Variants in RARB observed in about 807,000 individuals in gnomAD.
RARB encodes retinoic acid receptor beta.
A neutral mutation model predicts 51.9 loss-of-function variants in RARB; 17 were observed. The ratio of observed to expected loss-of-function variants is 0.33; its 90% confidence interval spans 0.22 to 0.49. The LOEUF (loss-of-function observed/expected upper bound fraction) is 0.49. Among genes scored for constraint, RARB ranks in the 20% least tolerant of loss-of-function variants. The probability of loss-of-function intolerance (pLI) is 0.99; values close to 1 mark genes in which losing one functional copy is unlikely to be tolerated. For missense variants in RARB, 369 were observed against 550.8 expected (o/e 0.67, Z 3.30); for synonymous variants, 215 against 195.4 (o/e 1.10, Z -0.84).
chr3:25,157,540 G>A (rs1700398685), intron 4 of RARB, among the ~76,000 whole-genome samples: 1 of 148,036 alleles, frequency 6.8e-6, no homozygotes, highest in Non-Finnish European at 1.5e-5. Flanking sequence ...AGGACTACAG[G>A]CGTGAGCCAC....
chr3:24,995,980 G>C (rs933469712), intron 2 of RARB, among the ~76,000 whole-genome samples: 1 of 152,066 alleles, frequency 6.6e-6, no homozygotes, highest in African/African-American at 2.4e-5. Flanking sequence ...CATAGAATGA[G>C]TTAAGAAGAA....
intron 5 of RARB, among the ~76,000 whole-genome samples, chr3:25,331,483 C>G (rs1308174108): frequency 6.6e-6 from 1 of 152,120 alleles, no homozygotes; most frequent in Non-Finnish European, 1.5e-5. Context: ...CCAGTGAGAA[C>G]AAAGACACAA....
intron 5 of RARB, among the ~76,000 whole-genome samples, chr3:25,335,745 C>G (rs891262754): frequency 6.6e-6 from 1 of 152,210 alleles, no homozygotes; most frequent in African/African-American, 2.4e-5. Flanking sequence ...CAGGGAGACT[C>G]TGTTTCTGCC....
chr3:25,386,019 A>G (rs562800500), intron 5 of RARB, among the ~76,000 whole-genome samples: 53 of 152,306 alleles, frequency 3.5e-4, no homozygotes, highest in Middle Eastern at 3.4e-3. Context: ...AGGATCCAGC[A>G]CATTTCCTCT....
chr3:24,941,441 C>T (rs951534677), intron 2 of RARB, among the ~76,000 whole-genome samples: 7 of 151,466 alleles, frequency 4.6e-5, no homozygotes, highest in Non-Finnish European at 1.0e-4. Context: ...ACGATCTCGG[C>T]TCACTGCAAC....
intron 5 of RARB, among the ~76,000 whole-genome samples, chr3:25,229,028 C>T (rs1406133319): frequency 1.3e-5 from 2 of 152,128 alleles, no homozygotes; most frequent in African/African-American, 4.8e-5. Context: ...TCCACTAACT[C>T]AGTCTTCACT....
At chr3:25,524,877 T>A (rs1286755) in intron 3 of RARB, among the ~76,000 whole-genome samples, 253 of 151,724 alleles carry the variant, frequency 1.7e-3, no homozygotes, top group African/African-American at 5.8e-3. Context: ...TTACAGGTGC[T>A]CACCATCACA....
rs543167699 is a variant in RARB at position 24,832,526 on chromosome 3, A to AT, written c.-459+3129dup. On this transcript the variant is annotated intron_variant, in intron 1 of 11. Transcript: ENST00000383772. ...TTGTTTATTCATTTATGCAACATGC[A>AT]TTTTTTAAGTACCCATTATTAATGA... Among the ~76,000 whole-genome samples the AT allele has an allele frequency of 1.5e-3, 223 of 151,270 alleles. 3 individuals are homozygous for AT. The highest frequency in any genetic ancestry group is 1.3e-3 in the Non-Finnish European group (85 of 67,844).
At chr3:25,081,506 G>A (rs1270505893) in intron 3 of RARB, among the ~76,000 whole-genome samples, 1 of 142,126 alleles carries the variant, frequency 7.0e-6, no homozygotes, top group African/African-American at 2.6e-5. Flanking sequence ...GCTCCTGAGA[G>A]AAGGAACATT....
Position 25,586,705 on chromosome 3 carries a change from C to T in RARB, c.786+5983C>T, listed in dbSNP as rs185423932. 3.3e-5 allele frequency among the ~76,000 whole-genome samples: 5 copies of T among 152,306 alleles called. No individual in the cohort carries two copies. The East Asian group carries it at 5.8e-4, about 18-fold the overall frequency. ...AAATGTGATTTGTGGCTCCTTGACG[C>T]CCTGGAGACTGTGCAGCTGTATAGC... is the stretch of plus-strand genomic sequence containing the variant. On this transcript the variant is annotated intron_variant, in intron 5 of 7. Coordinates refer to ENST00000330688, the MANE Select transcript of RARB (RefSeq NM_000965.5).
chr3:25,077,080 C>T (rs1288974696), intron 3 of RARB, among the ~76,000 whole-genome samples: 1 of 152,136 alleles, frequency 6.6e-6, no homozygotes, highest in Non-Finnish European at 1.5e-5. Context: ...GCTTTGGGCC[C>T]AGATAGAAAT....
chr3:25,359,555 A>C (rs1199423732), intron 5 of RARB, among the ~76,000 whole-genome samples: 2 of 152,116 alleles, frequency 1.3e-5, no homozygotes, highest in East Asian at 1.9e-4. Context: ...TAGTTCTTTT[A>C]ATTGTGATGT....
chr3:25,276,738 C>T (rs757322367), intron 5 of RARB, among the ~76,000 whole-genome samples: 2 of 152,156 alleles, frequency 1.3e-5, no homozygotes, highest in African/African-American at 2.4e-5. Context: ...TTTGCAAATA[C>T]CTAGAAAAGA....
At chr3:25,403,035 C>T (rs1034482049) in intron 5 of RARB, among the ~76,000 whole-genome samples, 5 of 151,742 alleles carry the variant, frequency 3.3e-5, no homozygotes, top group African/African-American at 9.7e-5. Flanking sequence ...TGGTGGTGGG[C>T]GCCTGTAGTC....
intron 2 of RARB, among the ~76,000 whole-genome samples, chr3:24,865,606 T>C (rs996275523): frequency 9.2e-5 from 14 of 152,170 alleles, no homozygotes; most frequent in African/African-American, 3.1e-4. Flanking sequence ...CTCTGTCCTG[T>C]GGTGATTTTC....
intron 2 of RARB, among the ~76,000 whole-genome samples, chr3:24,999,272 A>G (rs1220378497): frequency 6.6e-6 from 1 of 152,110 alleles, no homozygotes; most frequent in Non-Finnish European, 1.5e-5. Flanking sequence ...CATGTTATAA[A>G]TCTCACCTTT....
intron 5 of RARB, among the ~76,000 whole-genome samples, chr3:25,178,719 A>G (rs1457700119): frequency 6.6e-6 from 1 of 152,206 alleles, no homozygotes; most frequent in Non-Finnish European, 1.5e-5. Context: ...AGCCACTATC[A>G]GTTTTCGTCA....
chr3:25,207,628 T>C (rs1559506004), intron 5 of RARB, among the ~76,000 whole-genome samples: 1 of 152,230 alleles, frequency 6.6e-6, no homozygotes, highest in Admixed American at 6.5e-5. Context: ...ATCATTTACT[T>C]AATTATTTAA....
intron 2 of RARB, among the ~76,000 whole-genome samples, chr3:24,972,941 G>C (rs1318976917): frequency 6.6e-6 from 1 of 151,882 alleles, no homozygotes; most frequent in Non-Finnish European, 1.5e-5. Context: ...TCTTCAATTT[G>C]GTTGTTTCCT....
Sources: allele counts gnomAD v4.1 joint callset (sites outside exome capture counted in the v4.1 genomes callset), GRCh38; gene constraint gnomAD v4.1.1; transcripts MANE v1.5; gene names NCBI Gene and HGNC (gene_info 2026-07-23, HGNC 2026-07-21).